ABHD17B: variants seen among roughly 807,000 people sequenced by gnomAD.
ABHD17B encodes alpha/beta hydrolase domain-containing protein 17B.
In ABHD17B, 9 loss-of-function variants were observed where a neutral mutation model predicts 26.2. That is an observed-to-expected ratio of 0.34 (90% confidence interval 0.21 to 0.60). The LOEUF (loss-of-function observed/expected upper bound fraction) is 0.60, where lower values mean the gene tolerates loss of function less well. ABHD17B is among the 20% of genes least tolerant of loss of function. ABHD17B has a pLI of 0.80. For missense variants in ABHD17B, 224 were observed against 352.1 expected (o/e 0.64, Z 2.91); for synonymous variants, 127 against 122.3 (o/e 1.04, Z -0.25).
downstream of ABHD17B, among the ~76,000 whole-genome samples, chr9:71,863,697 A>G (rs1324243092): frequency 6.6e-6 from 1 of 152,230 alleles, no homozygotes; most frequent in Non-Finnish European, 1.5e-5. Flanking sequence ...ACAAATAGCC[A>G]TAAAGTTATT....
chr9:71,889,092 G>A (rs1020087406), intron 1 of ABHD17B, among the ~76,000 whole-genome samples: 69 of 151,724 alleles, frequency 4.5e-4, no homozygotes, highest in African/African-American at 1.6e-3. Context: ...TGAGGCGGGC[G>A]GATCACAAGG....
Position 71,866,981 on chromosome 9 carries a change from A to C in ABHD17B, c.673T>G (p.Ser225Ala). The C allele has an allele frequency of 1.9e-6, 3 of 1,614,074 alleles. No homozygotes were observed. The East Asian group carries it at 6.7e-5, about 36-fold the overall frequency. The stretch of plus-strand genomic sequence containing the variant: ...GTCCCATGAATTATTAATACTGGAG[A>C]GGTTATCTTAGAGATTTTGTCAATG... ...PNIDKISKIT[S>A]PVLIIHGTED... Residue 225 changes from serine (S) to alanine (A), a missense_variant, in exon 4 of 4, where the codon TCT becomes GCT. Ser to Ala is a moderately conservative substitution (Grantham distance 99, BLOSUM62 1). Transcript: ENST00000333421.
At chr9:71,896,241 A>G (rs558564279) in intron 1 of ABHD17B, among the ~76,000 whole-genome samples, 172 of 152,292 alleles carry the variant, frequency 1.1e-3, no homozygotes, top group African/African-American at 3.9e-3. Context: ...TCACTTCTAT[A>G]TGATTAACAT....
At chr9:71,865,078 A>C (rs549172017), downstream of ABHD17B, 3 of 875,820 alleles carry the variant, frequency 3.4e-6, no homozygotes, top group South Asian at 1.6e-4. Context: ...TGTCCTATAA[A>C]AACGAAGGGT....
At chr9:71,863,641 A>T (rs967440144), downstream of ABHD17B, among the ~76,000 whole-genome samples, 3 of 152,220 alleles carry the variant, frequency 2.0e-5, no homozygotes, top group Non-Finnish European at 4.4e-5. Flanking sequence ...GTCTCTAGTG[A>T]TAAGATACTC....
chr9:71,904,279 G>A (rs367619074), intron 1 of ABHD17B, among the ~76,000 whole-genome samples: 11 of 152,234 alleles, frequency 7.2e-5, no homozygotes, highest in South Asian at 6.2e-4. Flanking sequence ...GCTCATAGAC[G>A]TCATCCCCAC....
At chr9:71,875,283 T>C (rs111321709) in intron 1 of ABHD17B, among the ~76,000 whole-genome samples, 200 bp from the exon 2 acceptor site, 119 of 151,154 alleles carry the variant, frequency 7.9e-4, no homozygotes, top group Non-Finnish European at 1.4e-3. Context: ...TGGAGTGCAA[T>C]GGCGCAATCT....
chr9:71,887,328 G>A (rs1826641022), intron 1 of ABHD17B, among the ~76,000 whole-genome samples: 1 of 152,176 alleles, frequency 6.6e-6, no homozygotes, highest in Non-Finnish European at 1.5e-5. Flanking sequence ...AAATGAAGAT[G>A]TTAGATCTAT....
intron 1 of ABHD17B, among the ~76,000 whole-genome samples, chr9:71,889,188 G>A (rs957440576): frequency 6.6e-6 from 1 of 151,722 alleles, no homozygotes; most frequent in Non-Finnish European, 1.5e-5. Flanking sequence ...GTGGTGGCAG[G>A]CGCCTGTAAT....
At chr9:71,876,207 T>C (rs1222065744) in intron 1 of ABHD17B, among the ~76,000 whole-genome samples, 1 of 152,092 alleles carries the variant, frequency 6.6e-6, no homozygotes, top group Non-Finnish European at 1.5e-5. Flanking sequence ...AGAGAAAGAG[T>C]ACAAGGTTTA....
chr9:71,906,137 A>C (rs1295306336), intron 1 of ABHD17B, among the ~76,000 whole-genome samples: 1 of 152,154 alleles, frequency 6.6e-6, no homozygotes, highest in East Asian at 1.9e-4. Context: ...ACATTCATAG[A>C]GGGGAACAGA....
chr9:71,879,880 A>C (rs1454416196), intron 1 of ABHD17B, among the ~76,000 whole-genome samples: 2 of 152,226 alleles, frequency 1.3e-5, no homozygotes, highest in Non-Finnish European at 2.9e-5. Context: ...TAATGTCACA[A>C]ATCTGATCAA....
rs1826203583 is a variant in ABHD17B at position 71,874,544 on chromosome 9, T to A, written c.467+70A>T. 3 of 1,305,020 alleles carry A rather than the reference T, an allele frequency of 2.3e-6. No individual in the cohort carries two copies. In the African/African-American group the frequency reaches 4.5e-5, roughly 20 times the overall value. The allele number at this position is 1,305,020 out of a possible 1,614,324, so 80.8% of individuals were successfully genotyped here. ...TATGTATAATAAAAACAGCTTTTATTCTATTCTTACACAAGATATTTTTAG... is the reference window on the plus strand; with the variant it reads ...TATGTATAATAAAAACAGCTTTTATACTATTCTTACACAAGATATTTTTAG... On this transcript the variant is annotated intron_variant, in intron 2 of 3. Coordinates refer to ENST00000333421, the MANE Select transcript of ABHD17B (RefSeq NM_001025780.3).
intron 1 of ABHD17B, among the ~76,000 whole-genome samples, chr9:71,875,695 C>T (rs907196748): frequency 6.6e-6 from 1 of 152,018 alleles, no homozygotes; most frequent in African/African-American, 2.4e-5. Context: ...TTACAAATAA[C>T]CTGAAGGTAT....
chr9:71,895,463 T>A (rs575944000), intron 1 of ABHD17B, among the ~76,000 whole-genome samples: 1 of 152,342 alleles, frequency 6.6e-6, no homozygotes, highest in East Asian at 1.9e-4. Flanking sequence ...GGCTGAATTA[T>A]CTGTCTTTGC....
At chr9:71,894,953 C>T (rs2100096231) in intron 1 of ABHD17B, among the ~76,000 whole-genome samples, 1 of 152,212 alleles carries the variant, frequency 6.6e-6, no homozygotes, top group Non-Finnish European at 1.5e-5. Context: ...CTCCCCACTG[C>T]ACATACTTAA....
chr9:71,891,684 A>T (rs946991333), intron 1 of ABHD17B, among the ~76,000 whole-genome samples: 3 of 152,186 alleles, frequency 2.0e-5, no homozygotes, highest in Non-Finnish European at 4.4e-5. Context: ...CTGCTAGAAT[A>T]AAGAGGATTT....
intron 3 of ABHD17B, among the ~76,000 whole-genome samples, chr9:71,868,283 C>T (rs1826015227): frequency 6.6e-6 from 1 of 151,980 alleles, no homozygotes; most frequent in Non-Finnish European, 1.5e-5. Flanking sequence ...CAGATCAGCC[C>T]TTTAGTTGAT....
chr9:71,869,768 T>A (rs1179754848), intron 3 of ABHD17B, among the ~76,000 whole-genome samples: 1 of 152,138 alleles, frequency 6.6e-6, no homozygotes, highest in South Asian at 2.1e-4. Context: ...CTCTTTAGCA[T>A]CCTACACCCA....
Sources: gnomAD v4.1 joint callset for allele counts (sites outside exome capture counted in the v4.1 genomes callset) on GRCh38, gnomAD v4.1.1 for gene constraint, MANE v1.5 for transcripts, NCBI Gene and HGNC (gene_info 2026-07-23, HGNC 2026-07-21) for gene names.